AHCYL2: variants seen among roughly 807,000 people sequenced by gnomAD.
AHCYL2 encodes adenosylhomocysteinase like 2.
Under a neutral mutation model 81.4 loss-of-function variants are expected in AHCYL2, and 28 were observed. The ratio of observed to expected loss-of-function variants is 0.34; its 90% CI spans 0.25 to 0.47. AHCYL2 has a LOEUF of 0.47. Among genes scored for constraint, AHCYL2 ranks in the 20% least tolerant of loss-of-function variants. The pLI, the probability that AHCYL2 is intolerant of heterozygous loss-of-function variation, is 1.00. For synonymous variants in AHCYL2, 272 were observed against 290.2 expected (o/e 0.94, Z 0.64); for missense variants, 551 against 785.1 (o/e 0.70, Z 3.56).
At chr7:129,279,270 C>A (rs1384362396) in intron 1 of AHCYL2, among the ~76,000 whole-genome samples, 1 of 151,500 alleles carries the variant, frequency 6.6e-6, no homozygotes, top group Non-Finnish European at 1.5e-5. Flanking sequence ...CTGCCTCAGC[C>A]TCCCGAGTAG....
At chr7:129,309,406 G>A (rs1294977377) in intron 1 of AHCYL2, among the ~76,000 whole-genome samples, 2 of 151,996 alleles carry the variant, frequency 1.3e-5, no homozygotes, top group Non-Finnish European at 2.9e-5. Flanking sequence ...GGGTGTGGTA[G>A]GTACATGCCT....
intron 1 of AHCYL2, among the ~76,000 whole-genome samples, chr7:129,259,810 C>T (rs550265670): frequency 6.6e-6 from 1 of 152,314 alleles, no homozygotes; most frequent in Admixed American, 6.5e-5. Flanking sequence ...GGCGAGGTAG[C>T]TCACATCTGT....
Position 129,314,141 on chromosome 7 carries a change from G to T in AHCYL2, c.364-65497G>T, listed in dbSNP as rs927274628. ...GTAGCAGATGGCAGCATAGAAATAG[G>T]TAGATAGGAAAATTCACCTTCAAGT... On this transcript the variant is annotated intron_variant, in intron 1 of 16. Coordinates refer to ENST00000325006, the MANE Select transcript of AHCYL2 (RefSeq NM_015328.4). Among the ~76,000 whole-genome samples the T allele has an allele frequency of 2.6e-5, 4 of 152,280 alleles. No homozygotes were observed. The East Asian group carries it at 7.7e-4, about 29-fold the overall frequency.
At chr7:129,413,516 T>C (rs1305666224) in intron 11 of AHCYL2, 78 bp from the exon 12 acceptor site, 1 of 1,116,320 alleles carries the variant, frequency 9.0e-7, no homozygotes, top group East Asian at 2.4e-5. Flanking sequence ...TCATCAGTTA[T>C]ATGATTTGCA....
chr7:129,283,492 T>G (rs1796521000), intron 1 of AHCYL2: 2 of 453,992 alleles, frequency 4.4e-6, no homozygotes, highest in Non-Finnish European at 8.8e-6. Context: ...TAAATACTTC[T>G]TATGTGCTTG....
At chr7:129,260,511 C>T (rs551305097) in intron 1 of AHCYL2, among the ~76,000 whole-genome samples, 1 of 152,242 alleles carries the variant, frequency 6.6e-6, no homozygotes, top group African/African-American at 2.4e-5. Flanking sequence ...ATGATGTAGT[C>T]GGCCAGGCCA....
chr7:129,252,517 A>G (rs551274355), intron 1 of AHCYL2, among the ~76,000 whole-genome samples: 383 of 152,352 alleles, frequency 2.5e-3, no homozygotes, highest in Non-Finnish European at 4.4e-3. Flanking sequence ...CTGTAATCCC[A>G]GCACTTTGGG....
intron 1 of AHCYL2, among the ~76,000 whole-genome samples, chr7:129,253,038 C>A (rs1411071163): frequency 1.3e-5 from 2 of 151,994 alleles, no homozygotes; most frequent in Non-Finnish European, 2.9e-5. Flanking sequence ...GAAACCCTGT[C>A]TCTACTAAAA....
chr7:129,233,870 G>A (rs886435209), intron 1 of AHCYL2, among the ~76,000 whole-genome samples: 1 of 152,030 alleles, frequency 6.6e-6, no homozygotes, highest in Non-Finnish European at 1.5e-5. Context: ...TGCTGAATGG[G>A]AATTCCTTCA....
chr7:129,413,716 G>A, intron 12 of AHCYL2, 28 bp downstream of exon 12: 3 of 1,591,878 alleles, frequency 1.9e-6, no homozygotes, highest in Non-Finnish European at 2.6e-6. Flanking sequence ...ATTATTGGGG[G>A]CTTTTTTCTC....
intron 12 of AHCYL2, among the ~76,000 whole-genome samples, chr7:129,417,272 GAAC>G (rs1461938237): frequency 6.6e-6 from 1 of 152,214 alleles, no homozygotes; most frequent in Non-Finnish European, 1.5e-5. Context: ...TCTGTTTGAG[GAAC>G]AACAAGGAGG....
intron 1 of AHCYL2, among the ~76,000 whole-genome samples, chr7:129,311,385 A>G (rs1023899751): frequency 1.8e-4 from 27 of 152,180 alleles, no homozygotes; most frequent in Non-Finnish European, 1.5e-5. Context: ...GATCGTACCT[A>G]TTCCTGTGGT....
In AHCYL2 at chr7:129,323,210, G is replaced by A. The variant is rs76063292; in HGVS notation, c.364-56428G>A. On this transcript the variant is annotated intron_variant, in intron 1 of 16. Coordinates refer to ENST00000325006, the MANE Select transcript of AHCYL2 (RefSeq NM_015328.4). ...AGACTTTTCTTCTTTTCTAATAGAGGTATTTTGTACTATAAATTTCCCTCT... is the reference window on the plus strand; with the variant it reads ...AGACTTTTCTTCTTTTCTAATAGAGATATTTTGTACTATAAATTTCCCTCT... 3.4e-3 allele frequency among the ~76,000 whole-genome samples: 514 copies of A among 152,144 alleles called. 1 individual carries two copies. The highest frequency in any genetic ancestry group is 0.012 in the African/African-American group (497 of 41,522).
At chr7:129,394,251 T>A (rs946531677) in intron 4 of AHCYL2, among the ~76,000 whole-genome samples, 1 of 151,666 alleles carries the variant, frequency 6.6e-6, no homozygotes, top group Non-Finnish European at 1.5e-5. Flanking sequence ...CCTCAAGCGA[T>A]CTCCTGCCTC....
chr7:129,415,008 CA>C (rs1053761855), intron 12 of AHCYL2, among the ~76,000 whole-genome samples: 10 of 152,278 alleles, frequency 6.6e-5, no homozygotes, highest in African/African-American at 2.4e-4. Flanking sequence ...GCTGGCAGAA[CA>C]ACCTACCAAA....
intron 6 of AHCYL2, 50 bp from the exon 7 acceptor site, chr7:129,403,329 C>A: frequency 7.9e-7 from 1 of 1,272,358 alleles, no homozygotes; most frequent in Non-Finnish European, 1.1e-6. Context: ...AGCACTGAAG[C>A]CTTGAGACTT....
chr7:129,269,445 C>CT (rs1032773362), intron 1 of AHCYL2, among the ~76,000 whole-genome samples: 10 of 152,058 alleles, frequency 6.6e-5, no homozygotes, highest in African/African-American at 2.2e-4. Context: ...ATTACCATGC[C>CT]TGGCTAATTT....
chr7:129,424,025 A>G (rs1363140931), intron 13 of AHCYL2, among the ~76,000 whole-genome samples: 3 of 152,128 alleles, frequency 2.0e-5, no homozygotes, highest in African/African-American at 7.2e-5. Context: ...GTTTTTGGCT[A>G]GATGGTTGAG....
chr7:129,380,061 C>A (rs142820273), intron 2 of AHCYL2, among the ~76,000 whole-genome samples: 212 of 151,378 alleles, frequency 1.4e-3, no homozygotes, highest in African/African-American at 5.1e-3. Context: ...TGTGTATATA[C>A]TTGTGGTCTT....
Sources: gnomAD v4.1 joint callset for allele counts (sites outside exome capture counted in the v4.1 genomes callset) on GRCh38, gnomAD v4.1.1 for gene constraint, MANE v1.5 for transcripts, NCBI Gene and HGNC (gene_info 2026-07-23, HGNC 2026-07-21) for gene names.